PSG9: variants seen among roughly 807,000 people sequenced by gnomAD.
PSG9 encodes pregnancy-specific beta-1-glycoprotein 9.
A neutral mutation model predicts 41.9 loss-of-function variants in PSG9; 49 were observed. That is an observed-to-expected ratio of 1.17 (90% CI 0.93 to 1.48). The LOEUF (loss-of-function observed/expected upper bound fraction) is 1.48. PSG9 is among the 40% of genes most tolerant of loss of function. The pLI, the probability that PSG9 is intolerant of heterozygous loss-of-function variation, is 0.00. For missense variants in PSG9, 641 were observed against 520.3 expected (o/e 1.23, Z -2.26); for synonymous variants, 263 against 196.8 (o/e 1.34, Z -2.82).
chr19:43,256,987 G>A (rs1040760045), intron 5 of PSG9, among the ~76,000 whole-genome samples: 2 of 146,920 alleles, frequency 1.4e-5, no homozygotes, highest in Non-Finnish European at 3.0e-5. Flanking sequence ...GGCAAATGAG[G>A]TGTATCTATA....
At chr19:43,261,343 T>C (rs2064640195) in intron 3 of PSG9, among the ~76,000 whole-genome samples, 3 of 152,116 alleles carry the variant, frequency 2.0e-5, no homozygotes, top group South Asian at 2.1e-4. Context: ...GAACTTCCCA[T>C]CAATCAGCCA....
intron 2 of PSG9, among the ~76,000 whole-genome samples, chr19:43,264,686 T>C (rs1968885945): frequency 6.6e-6 from 1 of 152,202 alleles, no homozygotes; most frequent in South Asian, 2.1e-4. Flanking sequence ...CTCCATCTCC[T>C]GACCTTGTGC....
chr19:43,264,201 A>G (rs945698339), intron 2 of PSG9, among the ~76,000 whole-genome samples: 1 of 151,970 alleles, frequency 6.6e-6, no homozygotes, highest in East Asian at 1.9e-4. Flanking sequence ...GTCCCCAAAA[A>G]CCACCAGTAT....
chr19:43,259,540 T>G (rs1968611616), intron 3 of PSG9: 1 of 213,612 alleles, frequency 4.7e-6, no homozygotes, highest in Non-Finnish European at 8.9e-6. Flanking sequence ...ATGTGATTTC[T>G]CTGCAGCTTC....
intron 3 of PSG9, chr19:43,260,090 C>T (rs1276966363): frequency 6.8e-6 from 1 of 146,308 alleles, no homozygotes; most frequent in Admixed American, 6.8e-5. Context: ...ACATTCTACT[C>T]TCTGATCCCC....
At chr19:43,264,876 A>C (rs1414599947) in intron 2 of PSG9, among the ~76,000 whole-genome samples, 1 of 152,174 alleles carries the variant, frequency 6.6e-6, no homozygotes, top group South Asian at 2.1e-4. Context: ...GTCTCTAGGA[A>C]GTGACCAGAG....
intron 2 of PSG9, among the ~76,000 whole-genome samples, chr19:43,263,082 T>C (rs1968801843): frequency 6.6e-6 from 1 of 152,190 alleles, no homozygotes; most frequent in South Asian, 2.1e-4. Flanking sequence ...ATACTTTCTC[T>C]CATTGGACAT....
In PSG9 at chr19:43,256,995, A is replaced by G. The variant is rs899534824; in HGVS notation, c.1243+1207T>C. Among the ~76,000 whole-genome samples, 14 of 147,230 alleles carry G rather than the reference A, an allele frequency of 9.5e-5. 2 individuals are homozygous for G. The highest frequency in any genetic ancestry group is 3.6e-4 in the African/African-American group (14 of 38,874). On this transcript the variant is annotated intron_variant, in intron 5 of 5. Transcript: ENST00000270077. ...GTGGGTAGGCAAATGAGGTGTATCT[A>G]TACATTGAAATGTTATTCAACCTTA...
At chr19:43,257,901 G>C in intron 5 of PSG9, 1 of 1,398,904 alleles carries the variant, frequency 7.1e-7, no homozygotes, top group Non-Finnish European at 9.2e-7. Context: ...GAAGCAACTT[G>C]ATCTTGAGGA....
chr19:43,262,196 C>A, intron 2 of PSG9, 58 bp from the exon 3 acceptor site: 1 of 1,570,946 alleles, frequency 6.4e-7, no homozygotes. Flanking sequence ...CCTCCAAAGG[C>A]ATTTTTCAGT....
At chr19:43,257,857 G>A in intron 5 of PSG9, 1 of 1,376,692 alleles carries the variant, frequency 7.3e-7, no homozygotes, top group Non-Finnish European at 9.3e-7. Context: ...AGAAAAAAAA[G>A]ACGTGGCAGA....
At chr19:43,260,696 C>G (rs1002194623) in intron 3 of PSG9, 4 of 151,682 alleles carry the variant, frequency 2.6e-5, no homozygotes, top group African/African-American at 9.7e-5. Context: ...TAATAAGATC[C>G]TGTCAGGTCA....
At position 43,261,892 on chromosome 19, in the gene PSG9, C is replaced by A. The variant is rs115363320; in HGVS notation, c.677G>T (p.Ser226Ile). 0.015 allele frequency: 24,896 copies of A among 1,614,054 alleles called. 499 individuals carry two copies. Among genetic ancestry groups the A allele is most frequent in the African/African-American group, 0.059 (4,428 of 75,020 alleles). ...ATTCAGGGTGACTGGGTCACTGCGA[C>A]TGGCACTCACTGGGTTCCGTATTTC... ...ECEIRNPVSA[S>I]RSDPVTLNLL... The change falls in exon 3 of 6, where the codon AGT becomes ATT. Residue 226 changes from serine (S) to isoleucine (I), a missense_variant. Physicochemically the swap from Ser to Ile is moderately radical, Grantham distance 142. Coordinates refer to ENST00000270077, the MANE Select transcript of PSG9 (RefSeq NM_002784.5).
intron 2 of PSG9, among the ~76,000 whole-genome samples, chr19:43,265,676 T>A (rs1036841003): frequency 6.6e-6 from 1 of 152,132 alleles, no homozygotes; most frequent in Non-Finnish European, 1.5e-5. Flanking sequence ...TTAAAATCTT[T>A]CTCCGACTAC....
At chr19:43,257,319 T>C (rs1250112962) in intron 5 of PSG9, 15 of 900,598 alleles carry the variant, frequency 1.7e-5, no homozygotes, top group Non-Finnish European at 1.7e-5. Context: ...AAATAGTTAA[T>C]GGTAAGTCTT....
chr19:43,257,983 C>G lies in PSG9; in HGVS notation c.1243+219G>C, dbSNP rs766286987. 2.3e-5 allele frequency: 34 copies of G among 1,475,126 alleles called. 4 individuals carry two copies. The Admixed American group carries it at 7.9e-4, about 34-fold the overall frequency. 91.4% of individuals were successfully genotyped at this position (1,475,126 alleles called of 1,614,324 possible). On this transcript the variant is annotated intron_variant, in intron 5 of 5. Transcript: ENST00000270077. Reference sequence around the variant, plus strand: ...CAGGGCTGATAAAGCCCCCTCCCTACCTTTTTCAGGCCAGACACAAGGTCA... The same window carrying G: ...CAGGGCTGATAAAGCCCCCTCCCTAGCTTTTTCAGGCCAGACACAAGGTCA...
At chr19:43,255,896 G>A (rs1486975551) in intron 5 of PSG9, among the ~76,000 whole-genome samples, 4 of 146,404 alleles carry the variant, frequency 2.7e-5, no homozygotes, top group African/African-American at 1.0e-4. Context: ...TCATGAATTG[G>A]AAGACTCAAT....
rs554182673 is a variant in PSG9, at chr19:43,257,650, C to G, written c.1243+552G>C. The G allele has an allele frequency of 4.8e-6, 5 of 1,031,842 alleles. 1 individual carries two copies. In the African/African-American group the frequency reaches 9.0e-5, roughly 19 times the overall value. The allele number at this position is 1,031,842 out of a possible 1,614,324, so 63.9% of individuals were successfully genotyped here. On this transcript the variant is annotated intron_variant, in intron 5 of 5. Coordinates refer to ENST00000270077, the MANE Select transcript of PSG9 (RefSeq NM_002784.5). Reference sequence around the variant, plus strand: ...CCAAATTCAGGACAGGCCACCAGGGCCCTTTCTACACACACGCTAGTCCCA... The same window carrying G: ...CCAAATTCAGGACAGGCCACCAGGGGCCTTTCTACACACACGCTAGTCCCA...
chr19:43,262,629 G>A (rs568325133), intron 2 of PSG9, among the ~76,000 whole-genome samples: 14 of 152,270 alleles, frequency 9.2e-5, no homozygotes, highest in African/African-American at 2.6e-4. Flanking sequence ...GGAAAGCCTG[G>A]TCTGGGACTG....
Sources: gnomAD v4.1 joint callset for allele counts (sites outside exome capture counted in the v4.1 genomes callset) on GRCh38, gnomAD v4.1.1 for gene constraint, MANE v1.5 for transcripts, NCBI Gene and HGNC (gene_info 2026-07-23, HGNC 2026-07-21) for gene names.